DSTYK: variants seen among roughly 807,000 people sequenced by gnomAD.
DSTYK encodes the protein RIP-homologous kinase.
In DSTYK, 34 loss-of-function variants were observed where a neutral mutation model predicts 98.7. The observed-to-expected ratio is 0.34, with a 90% CI of 0.26 to 0.46. The LOEUF (loss-of-function observed/expected upper bound fraction) is 0.46. DSTYK is among the 20% of genes least tolerant of loss of function. The pLI, the probability that DSTYK is intolerant of heterozygous loss-of-function variation, is 1.00. For missense variants in DSTYK, 962 were observed against 1,181.7 expected (o/e 0.81, Z 2.73); for synonymous variants, 462 against 457.3 (o/e 1.01, Z -0.13).
Position 205,161,358 on chromosome 1 carries a change from C to T in DSTYK, c.1848G>A (p.Glu616=). Residue 616 remains glutamate (E), a synonymous_variant, in exon 7 of 13, where the codon GAG becomes GAA. Coordinates refer to ENST00000367162, the MANE Select transcript of DSTYK (RefSeq NM_015375.3). The part of the protein sequence containing the change: ...QLEAGHSGRL[E]KTEDLWLRVR... The stretch of plus-strand genomic sequence containing the variant: ...CCCTCAGCCATAGATCTTCCGTTTT[C>T]TCTAACCGGCCTGAGTGGCCAGCTT... The T allele has an allele frequency of 1.2e-6, 2 of 1,614,198 alleles. No homozygotes were observed. Among genetic ancestry groups the T allele is most frequent in the Non-Finnish European group, 1.7e-6 (2 of 1,180,004 alleles).
rs547738987 is a variant in DSTYK, at chr1:205,172,113, C to T, written c.655-2281G>A. Among the ~76,000 whole-genome samples, 15 of 152,050 alleles carry T rather than the reference C, an allele frequency of 9.9e-5. 1 individual carries two copies. Among genetic ancestry groups the T allele is most frequent in the East Asian group, 7.8e-4 (4 of 5,146 alleles). On this transcript the variant is annotated intron_variant, in intron 2 of 12. Coordinates refer to ENST00000367162, the MANE Select transcript of DSTYK (RefSeq NM_015375.3). Reference sequence around the variant, plus strand: ...CTGGGATTACAGGCACGCACCACCACGCCCGGCTAATTTTTGTATTTTTAG... The same window carrying T: ...CTGGGATTACAGGCACGCACCACCATGCCCGGCTAATTTTTGTATTTTTAG...
chr1:205,157,207 T>C, intron 10 of DSTYK, 66 bp downstream of exon 10: 2 of 1,375,180 alleles, frequency 1.5e-6, no homozygotes, highest in South Asian at 1.2e-5. Flanking sequence ...TACATTTACA[T>C]GTACCCTCCA....
intron 11 of DSTYK, among the ~76,000 whole-genome samples, chr1:205,149,313 T>C (rs61822626): frequency 0.31 from 46,662 of 151,912 alleles, 8,926 homozygotes; most frequent in Non-Finnish European, 0.44. Flanking sequence ...TCCTTACATG[T>C]ATCACCCAGT....
chr1:205,211,302 T>G lies in DSTYK; in HGVS notation c.234A>C (p.Ala78=). 3 of 1,609,206 alleles carry G rather than the reference T, an allele frequency of 1.9e-6. No individual in the cohort carries two copies. The highest frequency in any genetic ancestry group is 2.5e-6 in the Non-Finnish European group (3 of 1,178,336). The change falls in exon 1 of 13, where the codon GCA becomes GCC. Residue 78 remains alanine (A), a synonymous_variant. Coordinates refer to ENST00000367162, the MANE Select transcript of DSTYK (RefSeq NM_015375.3). ...TGGGGAERGP[A]GDVAETGLQA... ...GCAGCCCGGTTTCGGCGACATCGCC[T>G]GCAGGGCCGCGCTCGGCCCCGCCGC...
chr1:205,193,273 A>T (rs1224999388), intron 1 of DSTYK, among the ~76,000 whole-genome samples: 2 of 152,184 alleles, frequency 1.3e-5, no homozygotes, highest in African/African-American at 4.8e-5. Context: ...AATACTCGTG[A>T]CCTGTTTCTG....
Position 205,148,199 on chromosome 1 carries a change from T to A in DSTYK, c.2602+6A>T. 3.7e-6 allele frequency: 6 copies of A among 1,614,086 alleles called. No homozygotes were observed. The highest frequency in any genetic ancestry group is 5.1e-6 in the Non-Finnish European group (6 of 1,179,958). Reference sequence around the variant, plus strand: ...GTTAGGACAAGGTAGTACTTGTGGCTCTTACCCCTCCGCACATTGTTCCAG... The same window carrying A: ...GTTAGGACAAGGTAGTACTTGTGGCACTTACCCCTCCGCACATTGTTCCAG... On this transcript the variant is annotated splice_donor_region_variant and intron_variant, in intron 12 of 12. Coordinates refer to ENST00000367162, the MANE Select transcript of DSTYK (RefSeq NM_015375.3).
At chr1:205,159,782 G>A (rs1324824324) in intron 8 of DSTYK, 103 bp from the exon 9 acceptor site, 1 of 1,454,714 alleles carries the variant, frequency 6.9e-7, no homozygotes, top group Non-Finnish European at 9.4e-7. Flanking sequence ...GCTTAGGACA[G>A]GTCCAGAGGT....
At chr1:205,159,888 T>C (rs990493158) in intron 8 of DSTYK, 8 of 786,106 alleles carry the variant, frequency 1.0e-5, no homozygotes, top group Middle Eastern at 3.8e-4. Context: ...TGATAAGGCT[T>C]AAGGACTAAA....
intron 2 of DSTYK, among the ~76,000 whole-genome samples, chr1:205,182,002 C>T (rs1341392137): frequency 6.6e-6 from 1 of 152,062 alleles, no homozygotes; most frequent in East Asian, 1.9e-4. Flanking sequence ...TTTTAAGATC[C>T]TTTATAATGC....
chr1:205,192,383 TA>T (rs1183766775), intron 1 of DSTYK, among the ~76,000 whole-genome samples: 1 of 151,900 alleles, frequency 6.6e-6, no homozygotes, highest in African/African-American at 2.4e-5. Flanking sequence ...TTGTTTCTAC[TA>T]AAAATTTTAA....
chr1:205,164,580 G>C (rs182545741), intron 3 of DSTYK, among the ~76,000 whole-genome samples: 3 of 151,782 alleles, frequency 2.0e-5, no homozygotes, highest in Admixed American at 2.0e-4. Context: ...TCCTGCCTCA[G>C]CCTCCCGAGT....
rs371519973 is a variant in DSTYK, at chr1:205,188,588, A to G, written c.266-782T>C. On this transcript the variant is annotated intron_variant, in intron 1 of 12. Transcript: ENST00000367162. ...TGACCAAGATGCCATCATGCAGCAC[A>G]TAATATAGCACTATGGAGCCCTTTT... Among the ~76,000 whole-genome samples, 26 of 152,354 alleles carry G rather than the reference A, an allele frequency of 1.7e-4. No individual in the cohort carries two copies. In the South Asian group the frequency reaches 4.6e-3, roughly 27 times the overall value.
Position 205,211,301 on chromosome 1 carries a change from C to T in DSTYK, c.235G>A (p.Gly79Ser). 6.2e-7 allele frequency: 1 copy of T among 1,609,628 alleles called. No homozygotes were observed. The highest frequency in any genetic ancestry group is 8.5e-7 in the Non-Finnish European group (1 of 1,178,464). The change falls in exon 1 of 13, where the codon GGC becomes AGC. Residue 79 changes from glycine to serine, a missense_variant. Physicochemically the swap from Gly to Ser is moderately conservative, Grantham distance 56 (BLOSUM62 0). Transcript: ENST00000367162. ...GGGGAERGPAGDVAETGLQAG... is the reference protein window; with the variant it reads ...GGGGAERGPASDVAETGLQAG... ...TGCAGCCCGGTTTCGGCGACATCGC[C>T]TGCAGGGCCGCGCTCGGCCCCGCCG...
intron 1 of DSTYK, among the ~76,000 whole-genome samples, chr1:205,200,105 C>T (rs1658982918): frequency 6.6e-6 from 1 of 151,976 alleles, no homozygotes; most frequent in South Asian, 2.1e-4. Flanking sequence ...GGTGCAATCT[C>T]GGCTGGTTGC....
At chr1:205,154,056 CGTGTGTGTGTGT>C (rs34909035) in intron 10 of DSTYK, among the ~76,000 whole-genome samples, 1,946 of 143,544 alleles carry the variant, frequency 0.014, 90 homozygotes, top group Admixed American at 0.09. Context: ...AGTATGCACA[CGTGTGTGTGTGT>C]GTGTGTGTGT....
Position 205,161,327 on chromosome 1 carries a change from T to C in DSTYK, c.1879A>G (p.Lys627Glu). Residue 627 changes from lysine (K) to glutamate (E), a missense_variant, in exon 7 of 13, where the codon AAA (lysine) becomes GAA (glutamate). Lys to Glu is a moderately conservative substitution (Grantham distance 56). Transcript: ENST00000367162. ...CGGGCCAGGCGGGGAGCATGATCTT[T>C]CCGAACCCTCAGCCATAGATCTTCC... ...KTEDLWLRVR[K>E]DHAPRLARLS... 6.2e-7 allele frequency: 1 copy of C among 1,614,154 alleles called. No individual in the cohort carries two copies. The highest frequency in any genetic ancestry group is 8.5e-7 in the Non-Finnish European group (1 of 1,180,008).
At chr1:205,176,216 G>A (rs1029621381) in intron 2 of DSTYK, among the ~76,000 whole-genome samples, 2 of 152,088 alleles carry the variant, frequency 1.3e-5, no homozygotes, top group African/African-American at 4.8e-5. Context: ...AGTGATTCAC[G>A]CCTGTAATCC....
chr1:205,158,744 C>A lies in DSTYK; in HGVS notation c.2238+803G>T, dbSNP rs190871297. Among the ~76,000 whole-genome samples the A allele has an allele frequency of 6.6e-5, 10 of 152,306 alleles. 1 individual carries two copies. In the South Asian group the frequency reaches 1.0e-3, roughly 16 times the overall value. On this transcript the variant is annotated intron_variant, in intron 9 of 12. Coordinates refer to ENST00000367162, the MANE Select transcript of DSTYK (RefSeq NM_015375.3). ...TTCCTTCCACTGCCCAAATTCTACC[C>A]ATCATGGTATATTTGTCAAACTCAA...
chr1:205,169,260 G>C lies in DSTYK; in HGVS notation c.1227C>G (p.Ala409=). 1 of 1,614,024 alleles carries C rather than the reference G, an allele frequency of 6.2e-7. No individual in the cohort carries two copies. Among genetic ancestry groups the C allele is most frequent in the Non-Finnish European group, 8.5e-7 (1 of 1,179,982 alleles). ...CCTTCATTTCCTCCTGCTTTCGGTT[G>C]GCAATATTCATCAATGATTCATACA... ...NELYESLMNI[A]NRKQEEMKDM... Residue 409 remains alanine (A), a synonymous_variant, in exon 3 of 13, where the codon GCC becomes GCG. Coordinates refer to ENST00000367162, the MANE Select transcript of DSTYK (RefSeq NM_015375.3). This position sits in a 1 kb window ranked among gnomAD's most constrained non-coding sequence, Gnocchi z 4.0.
Sources: gnomAD v4.1 joint callset for allele counts (sites outside exome capture counted in the v4.1 genomes callset) on GRCh38, gnomAD v4.1.1 for gene constraint, Gnocchi (gnomAD v3.1) non-coding constraint, MANE v1.5 for transcripts, NCBI Gene and HGNC (gene_info 2026-07-23, HGNC 2026-07-21) for gene names.